Variants in TBC1D4 observed in about 807,000 individuals in gnomAD.
TBC1D4 encodes TBC (Tre-2, BUB2, CDC16) domain-containing protein.
Under a neutral mutation model 142.5 loss-of-function variants are expected in TBC1D4, and 121 were observed. The observed-to-expected ratio is 0.85, with a 90% CI of 0.73 to 0.99. TBC1D4 has a LOEUF of 0.99. Ranked by LOEUF, TBC1D4 falls within the 50% of genes least tolerant of loss-of-function variation. The probability of loss-of-function intolerance (pLI) is 0.00; values close to 1 mark genes in which losing one functional copy is unlikely to be tolerated. For synonymous variants in TBC1D4, 630 were observed against 628.2 expected, an observed-to-expected ratio of 1.00 and a Z score of -0.04; for missense variants, 1,475 against 1,606.6, an observed-to-expected ratio of 0.92 and a Z score of 1.40.
Position 75,299,554 on chromosome 13 carries a change from G to T in TBC1D4, c.2932C>A (p.Pro978Thr), listed in dbSNP as rs756634332. The change falls in exon 17 of 21, where the codon CCT (proline) becomes ACT (threonine). Residue 978 changes from proline (P) to threonine (T), a missense_variant. By Grantham distance (38) the Pro-to-Thr change is conservative (BLOSUM62 -1). Transcript: ENST00000377636. ...VDLGRTFPTHPYFSVQLGPGQ... is the reference protein window; with the variant it reads ...VDLGRTFPTHTYFSVQLGPGQ... ...GGCCCAAGCTGTACTGAAAAGTAAG[G>T]GTGAGTAGGAAACGTCCTTCCTGCA... 4 of 1,613,964 alleles carry T rather than the reference G, an allele frequency of 2.5e-6. No individual in the cohort carries two copies. In the South Asian group the frequency reaches 4.4e-5, roughly 18 times the overall value.
At chr13:75,332,595 C>T (rs1011585181) in intron 8 of TBC1D4, among the ~76,000 whole-genome samples, 3 of 152,068 alleles carry the variant, frequency 2.0e-5, no homozygotes, top group Non-Finnish European at 2.9e-5. Context: ...TACTGGACCC[C>T]ACCCCGAGAG....
intron 5 of TBC1D4, among the ~76,000 whole-genome samples, chr13:75,347,657 C>G (rs181360528): frequency 2.1e-3 from 326 of 152,224 alleles, no homozygotes; most frequent in African/African-American, 7.2e-3. Flanking sequence ...GCAATCTTTG[C>G]CCTTTTGGGA....
chr13:75,326,512 C>T lies in TBC1D4; in HGVS notation c.1807-89G>A, dbSNP rs1879281565. The T allele has an allele frequency of 3.0e-5, 40 of 1,330,102 alleles. 1 individual carries two copies. In the South Asian group the frequency reaches 4.7e-4, roughly 16 times the overall value. 82.4% of individuals were successfully genotyped at this position (1,330,102 alleles called of 1,614,324 possible). ...ACAGAGCTCAAAAGTGACAGTGTGC[C>T]TCATCTTCCTCCTGAGTCATGACAA... On this transcript the variant is annotated intron_variant, in intron 9 of 20. Transcript: ENST00000377636.
At chr13:75,461,502 A>C (rs1285117727) in intron 1 of TBC1D4, among the ~76,000 whole-genome samples, 1 of 152,220 alleles carries the variant, frequency 6.6e-6, no homozygotes, top group Non-Finnish European at 1.5e-5. Context: ...CTGTACCAAA[A>C]TTCTCTTTCA....
chr13:75,361,144 C>A (rs7983831), intron 2 of TBC1D4, among the ~76,000 whole-genome samples: 40,564 of 152,066 alleles, frequency 0.27, 5,916 homozygotes, highest in African/African-American at 0.39. Context: ...TAAGAATGAT[C>A]TTTTATACCA....
intron 1 of TBC1D4, among the ~76,000 whole-genome samples, chr13:75,424,803 T>C (rs1180734186): frequency 6.6e-6 from 1 of 152,148 alleles, no homozygotes; most frequent in African/African-American, 2.4e-5. Context: ...GAAAACTGGA[T>C]ATCCACATGC....
At chr13:75,409,775 T>C (rs112329658) in intron 1 of TBC1D4, among the ~76,000 whole-genome samples, 4,150 of 152,312 alleles carry the variant, frequency 0.027, 200 homozygotes, top group African/African-American at 0.094. Context: ...TCTTTAGACA[T>C]GTATGTAATT....
intron 7 of TBC1D4, 149 bp downstream of exon 7, chr13:75,340,976 C>A: frequency 1.4e-6 from 1 of 698,830 alleles, no homozygotes; most frequent in Non-Finnish European, 2.5e-6. Context: ...ACCTATAAAA[C>A]TATTAAAATG....
chr13:75,447,500 ATG>A (rs35775136), intron 1 of TBC1D4, among the ~76,000 whole-genome samples: 15,635 of 145,196 alleles, frequency 0.11, 909 homozygotes, highest in East Asian at 0.28. Flanking sequence ...CATAGTGTGA[ATG>A]TGTGTGTGTG....
intron 1 of TBC1D4, among the ~76,000 whole-genome samples, chr13:75,410,022 A>G (rs560282694): frequency 1.3e-5 from 2 of 152,306 alleles, no homozygotes; most frequent in South Asian, 2.1e-4. Context: ...TCTTAACCAA[A>G]TTTGCCACTT....
intron 1 of TBC1D4, among the ~76,000 whole-genome samples, chr13:75,425,360 G>A (rs1282693078): frequency 6.6e-6 from 1 of 152,118 alleles, no homozygotes; most frequent in Non-Finnish European, 1.5e-5. Context: ...GGTGAAAAGG[G>A]AACCACACTA....
At chr13:75,369,647 A>G (rs147941280) in intron 1 of TBC1D4, among the ~76,000 whole-genome samples, 104 of 152,328 alleles carry the variant, frequency 6.8e-4, no homozygotes, top group African/African-American at 2.4e-3. Flanking sequence ...TATCTACAGA[A>G]AAGATATGAT....
At chr13:75,310,220 T>A in intron 13 of TBC1D4, 69 bp from the exon 14 acceptor site, 1 of 1,456,614 alleles carries the variant, frequency 6.9e-7, no homozygotes, top group Non-Finnish European at 9.5e-7. Flanking sequence ...TCTGTAGAAT[T>A]CACATTCTCA....
chr13:75,466,835 C>T (rs1047513498), intron 1 of TBC1D4, among the ~76,000 whole-genome samples: 6 of 151,668 alleles, frequency 4.0e-5, no homozygotes, highest in Non-Finnish European at 7.4e-5. Flanking sequence ...CATGCCACTG[C>T]ACTCCAGCCT....
chr13:75,359,920 A>G (rs1490719527), intron 2 of TBC1D4, 62 bp from the exon 3 acceptor site: 1 of 1,294,808 alleles, frequency 7.7e-7, no homozygotes, highest in Admixed American at 1.7e-5. Context: ...TTACTTTATA[A>G]CCAAATATTA....
At chr13:75,303,324 A>C (rs541124829) in intron 15 of TBC1D4, among the ~76,000 whole-genome samples, 48 of 152,302 alleles carry the variant, frequency 3.2e-4, no homozygotes, top group Admixed American at 1.6e-3. Flanking sequence ...CTAAAAAAAA[A>C]AGAAATAATA....
chr13:75,398,718 A>G (rs1175044149), intron 1 of TBC1D4, among the ~76,000 whole-genome samples: 1 of 152,176 alleles, frequency 6.6e-6, no homozygotes, highest in African/African-American at 2.4e-5. Flanking sequence ...TCAGCAAAAG[A>G]TTTTTACAGT....
rs80242840 is a variant in TBC1D4 at position 75,423,699 on chromosome 13, C to T, written c.498+57571G>A. ...CCATTGTAGAGTAACTCTGCAGCTA[C>T]TTTTCTGTTTAGTCTCCATTTTCAG... On this transcript the variant is annotated intron_variant, in intron 1 of 20. Transcript: ENST00000377636. Among the ~76,000 whole-genome samples the T allele has an allele frequency of 7.6e-3, 1,160 of 152,286 alleles. 5 individuals carry two copies. Among genetic ancestry groups the T allele is most frequent in the Non-Finnish European group, 0.012 (818 of 68,014 alleles).
chr13:75,286,682 A>G lies in TBC1D4; in HGVS notation c.*110T>C. 9.4e-7 allele frequency: 1 copy of G among 1,064,894 alleles called. No homozygotes were observed. The highest frequency in any genetic ancestry group is 1.4e-6 in the Non-Finnish European group (1 of 705,772). The allele number at this position is 1,064,894 out of a possible 1,614,324, so 66.0% of individuals were successfully genotyped here. On this transcript the variant is annotated 3_prime_UTR_variant, in exon 21 of 21. Transcript: ENST00000377636. The stretch of plus-strand genomic sequence containing the variant: ...CTGTGACTAGGCGCTCAGCACCAGT[A>G]TTAGGTGGTTCCATCAGCTTCAGGG...
Sources: gnomAD v4.1 joint callset for allele counts (sites outside exome capture counted in the v4.1 genomes callset) on GRCh38, gnomAD v4.1.1 for gene constraint, MANE v1.5 for transcripts, NCBI Gene and HGNC (gene_info 2026-07-23, HGNC 2026-07-21) for gene names.